Variants in CNTNAP2 observed in about 807,000 individuals in gnomAD.
CNTNAP2 encodes the protein contactin-associated protein-like 2.
CNTNAP2 carries 98 observed loss-of-function variants against 155.2 expected under a neutral mutation model. That is an observed-to-expected ratio of 0.63 (90% CI 0.54 to 0.75). The LOEUF is 0.75. Ranked by LOEUF, CNTNAP2 falls within the 30% of genes least tolerant of loss-of-function variation. The pLI is 0.00. For missense variants in CNTNAP2, 1,727 were observed against 1,688.1 expected (o/e 1.02, Z -0.40); for synonymous variants, 651 against 631.2 (o/e 1.03, Z -0.47).
rs145404285 is a variant in CNTNAP2 at position 146,761,190 on chromosome 7, G to A, written c.98-13081G>A. On this transcript the variant is annotated intron_variant, in intron 1 of 23. Coordinates refer to ENST00000361727, the MANE Select transcript of CNTNAP2 (RefSeq NM_014141.6). Reference sequence around the variant, plus strand: ...CAGAAGCAAACAACACAACCCTTACGTCCACCCTAATAGGGTTAATAACTC... The same window carrying A: ...CAGAAGCAAACAACACAACCCTTACATCCACCCTAATAGGGTTAATAACTC... Among the ~76,000 whole-genome samples, 489 of 152,044 alleles carry A rather than the reference G, an allele frequency of 3.2e-3. 5 individuals carry two copies. The highest frequency in any genetic ancestry group is 0.011 in the African/African-American group (451 of 41,474).
intron 1 of CNTNAP2, among the ~76,000 whole-genome samples, chr7:146,214,937 G>A (rs1307829491): frequency 1.3e-5 from 2 of 151,906 alleles, no homozygotes; most frequent in South Asian, 2.1e-4. Context: ...TACCTCCCTC[G>A]GCCCCCTGCT....
chr7:146,446,141 A>G (rs1351890750), intron 1 of CNTNAP2, among the ~76,000 whole-genome samples: 2 of 152,340 alleles, frequency 1.3e-5, no homozygotes, highest in Non-Finnish European at 1.5e-5. Flanking sequence ...AAGGAATTTA[A>G]CTTGAAATCA....
intron 1 of CNTNAP2, among the ~76,000 whole-genome samples, chr7:146,285,478 A>G (rs967653433): frequency 6.6e-6 from 1 of 152,124 alleles, no homozygotes; most frequent in African/African-American, 2.4e-5. Flanking sequence ...CCGAGAAAAC[A>G]TTTAAGGTTT....
chr7:148,140,386 A>G (rs1805037904), intron 16 of CNTNAP2, among the ~76,000 whole-genome samples: 3 of 151,440 alleles, frequency 2.0e-5, no homozygotes, highest in East Asian at 1.9e-4. Flanking sequence ...TTGTTGGTCA[A>G]TCTGGCATGG....
At chr7:147,310,115 CTTTT>C (rs35021212) in intron 9 of CNTNAP2, among the ~76,000 whole-genome samples, 1 of 151,868 alleles carries the variant, frequency 6.6e-6, no homozygotes, top group Non-Finnish European at 1.5e-5. Context: ...ATTCCCAAGA[CTTTT>C]TTTTATAGCT....
rs552513596 is a variant in CNTNAP2 at position 146,584,256 on chromosome 7, C to T, written c.98-190015C>T. On this transcript the variant is annotated intron_variant, in intron 1 of 23. Transcript: ENST00000361727. Reference sequence around the variant, plus strand: ...TGGGTTCTTCCATGTTACACTGATACTACCATATGACACCCCGAGCTTCAG... The same window carrying T: ...TGGGTTCTTCCATGTTACACTGATATTACCATATGACACCCCGAGCTTCAG... Among the ~76,000 whole-genome samples, 285 of 152,262 alleles carry T rather than the reference C, an allele frequency of 1.9e-3. 3 individuals are homozygous for T. Among genetic ancestry groups the T allele is most frequent in the African/African-American group, 6.5e-3 (271 of 41,552 alleles).
At chr7:148,331,975 T>C (rs897728186) in intron 21 of CNTNAP2, among the ~76,000 whole-genome samples, 4 of 152,180 alleles carry the variant, frequency 2.6e-5, no homozygotes, top group African/African-American at 9.7e-5. Flanking sequence ...CATTTCCAGA[T>C]GCAGCACCAC....
intron 15 of CNTNAP2, among the ~76,000 whole-genome samples, chr7:148,057,491 AC>A (rs1803042094): frequency 6.6e-6 from 1 of 152,174 alleles, no homozygotes; most frequent in Admixed American, 6.5e-5. Context: ...AGTAATACAC[AC>A]CCCTTTTAAC....
intron 1 of CNTNAP2, among the ~76,000 whole-genome samples, chr7:146,456,451 C>T (rs1281023037): frequency 1.3e-5 from 2 of 152,090 alleles, no homozygotes; most frequent in Non-Finnish European, 2.9e-5. Context: ...TCATCCAAAT[C>T]TGAAAGTTTA....
intron 3 of CNTNAP2, among the ~76,000 whole-genome samples, chr7:146,937,925 T>A (rs1420450207): frequency 2.0e-5 from 3 of 152,158 alleles, no homozygotes; most frequent in Non-Finnish European, 2.9e-5. Flanking sequence ...AATTTCAACA[T>A]CTTTCTGTAC....
intron 12 of CNTNAP2, among the ~76,000 whole-genome samples, chr7:147,605,893 C>CT (rs1434331995): frequency 6.6e-6 from 1 of 151,722 alleles, no homozygotes; most frequent in Non-Finnish European, 1.5e-5. Flanking sequence ...CTTCCCTTCT[C>CT]TCTCTCTCTC....
chr7:146,348,139 G>T lies in CNTNAP2; in HGVS notation c.97+231166G>T, dbSNP rs370378836. On this transcript the variant is annotated intron_variant, in intron 1 of 23. Coordinates refer to ENST00000361727, the MANE Select transcript of CNTNAP2 (RefSeq NM_014141.6). ...GCTTTTAATAAATACGAAGCCACAG[G>T]CTGGGCGCAGTGGCTCACTCCTGTA... Among the ~76,000 whole-genome samples the T allele has an allele frequency of 2.0e-5, 3 of 152,186 alleles. No homozygotes were observed. In the South Asian group the frequency reaches 6.2e-4, roughly 32 times the overall value.
intron 1 of CNTNAP2, among the ~76,000 whole-genome samples, chr7:146,576,825 T>A (rs1798532937): frequency 2.0e-5 from 3 of 152,188 alleles, no homozygotes; most frequent in East Asian, 3.9e-4. Context: ...TTTTCTAGTT[T>A]CACGGATTCA....
At chr7:147,679,852 C>T (rs887434793) in intron 13 of CNTNAP2, among the ~76,000 whole-genome samples, 6 of 151,634 alleles carry the variant, frequency 4.0e-5, no homozygotes, top group African/African-American at 1.5e-4. Context: ...AAAAATAAAC[C>T]CCAAATCTAA....
intron 18 of CNTNAP2, among the ~76,000 whole-genome samples, chr7:148,183,159 A>T (rs1275706606): frequency 6.6e-6 from 1 of 152,216 alleles, no homozygotes; most frequent in Non-Finnish European, 1.5e-5. Flanking sequence ...CTGGGAATGC[A>T]ATGGAGGGGA....
chr7:146,284,878 C>A (rs1800302387), intron 1 of CNTNAP2, among the ~76,000 whole-genome samples: 1 of 152,142 alleles, frequency 6.6e-6, no homozygotes, highest in African/African-American at 2.4e-5. Flanking sequence ...ATTTCCCTTC[C>A]ATTTCTCTGC....
At chr7:147,730,406 A>C (rs757273739) in intron 13 of CNTNAP2, among the ~76,000 whole-genome samples, 1 of 152,058 alleles carries the variant, frequency 6.6e-6, no homozygotes, top group Admixed American at 6.6e-5. Context: ...CATTTTGATA[A>C]TTCTCCCAAC....
At position 147,649,618 on chromosome 7, in the gene CNTNAP2, A is replaced by C. The variant is rs148964274; in HGVS notation, c.2098+10312A>C. 8.0e-4 allele frequency among the ~76,000 whole-genome samples: 122 copies of C among 152,286 alleles called. No individual in the cohort carries two copies. In the East Asian group the frequency reaches 0.011, roughly 14 times the overall value. ...AACGGATTTGTCCTAATTTATGAGA[A>C]GTATGAGTTTATAGAGTTGCATTTA... On this transcript the variant is annotated intron_variant, in intron 13 of 23. Transcript: ENST00000361727.
intron 10 of CNTNAP2, among the ~76,000 whole-genome samples, chr7:147,431,983 G>A (rs183597432): frequency 6.6e-6 from 1 of 152,118 alleles, no homozygotes; most frequent in Non-Finnish European, 1.5e-5. Flanking sequence ...GTATATCTGG[G>A]TTTGTTTAAC....
Sources: allele counts gnomAD v4.1 joint callset (sites outside exome capture counted in the v4.1 genomes callset), GRCh38; gene constraint gnomAD v4.1.1; transcripts MANE v1.5; gene names NCBI Gene and HGNC (gene_info 2026-07-23, HGNC 2026-07-21).